Variants in LRRIQ1 observed in about 807,000 individuals in gnomAD.
LRRIQ1 encodes leucine-rich repeat- and IQ domain-containing protein 1.
A neutral mutation model predicts 211.9 loss-of-function variants in LRRIQ1; 210 were observed. The ratio of observed to expected loss-of-function variants is 0.99; its 90% CI spans 0.89 to 1.11. LRRIQ1 has a LOEUF of 1.11. LRRIQ1 is among the 50% of genes most tolerant of loss of function. LRRIQ1 has a pLI of 0.00. For missense variants in LRRIQ1, 2,136 were observed against 1,939.5 expected (o/e 1.10, Z -1.90); for synonymous variants, 699 against 650.1 (o/e 1.08, Z -1.14).
At chr12:85,078,794 T>C (rs1883950291) in intron 11 of LRRIQ1, among the ~76,000 whole-genome samples, 1 of 152,192 alleles carries the variant, frequency 6.6e-6, no homozygotes, top group African/African-American at 2.4e-5. Context: ...AAATAACTTA[T>C]TTGTATGGGT....
the LRRIQ1 span, among the ~76,000 whole-genome samples, chr12:85,272,498 T>A: frequency 3.3e-5 from 5 of 152,146 alleles, no homozygotes; most frequent in Non-Finnish European, 5.9e-5. Flanking sequence ...AAGTCCTTTT[T>A]AAATACTTAG....
At chr12:85,198,345 A>C (rs1197722342) in intron 24 of LRRIQ1, among the ~76,000 whole-genome samples, 2 of 150,838 alleles carry the variant, frequency 1.3e-5, no homozygotes, top group East Asian at 2.0e-4. Context: ...TTGCTGAGGT[A>C]AATGGTAATT....
intron 24 of LRRIQ1, among the ~76,000 whole-genome samples, chr12:85,217,020 G>A (rs1053589822): frequency 6.6e-6 from 1 of 152,066 alleles, no homozygotes; most frequent in Non-Finnish European, 1.5e-5. Flanking sequence ...CATGCAAATT[G>A]TGAAAGTTAT....
chr12:85,144,880 A>T (rs959210419), intron 19 of LRRIQ1, among the ~76,000 whole-genome samples: 3 of 151,640 alleles, frequency 2.0e-5, no homozygotes, highest in African/African-American at 7.3e-5. Context: ...CCATCACTTT[A>T]TTTTAAAATC....
chr12:85,081,642 G>A (rs1410499869), intron 11 of LRRIQ1, among the ~76,000 whole-genome samples: 1 of 151,552 alleles, frequency 6.6e-6, no homozygotes, highest in African/African-American at 2.4e-5. Context: ...ACTCCGCAAG[G>A]AAAACATAAT....
At chr12:85,093,203 T>C (rs189883242) in intron 11 of LRRIQ1, among the ~76,000 whole-genome samples, 63 of 152,266 alleles carry the variant, frequency 4.1e-4, no homozygotes, top group African/African-American at 1.3e-3. Flanking sequence ...AATAATTACA[T>C]CTCAGGAGAA....
At chr12:85,237,271 T>A (rs1407523092) in intron 26 of LRRIQ1, among the ~76,000 whole-genome samples, 1 of 151,952 alleles carries the variant, frequency 6.6e-6, no homozygotes. Context: ...AAGAAACACA[T>A]GAGTTCCACA....
At chr12:85,066,662 A>G in intron 9 of LRRIQ1, 86 bp from the exon 10 acceptor site, 1 of 1,056,174 alleles carries the variant, frequency 9.5e-7, no homozygotes. Flanking sequence ...ATCCTATCTC[A>G]TCTTTCTTTC....
intron 24 of LRRIQ1, among the ~76,000 whole-genome samples, chr12:85,169,082 G>A (rs1470232013): frequency 6.6e-6 from 1 of 152,022 alleles, no homozygotes; most frequent in Non-Finnish European, 1.5e-5. Context: ...TTTGTACAAG[G>A]CACTGTTCTA....
At chr12:85,118,942 T>C (rs1319555079) in intron 15 of LRRIQ1, among the ~76,000 whole-genome samples, 3 of 152,066 alleles carry the variant, frequency 2.0e-5, no homozygotes, top group African/African-American at 7.2e-5. Context: ...ACCCCATACA[T>C]GCACAACATT....
At chr12:85,135,187 A>G (rs959585732) in intron 18 of LRRIQ1, among the ~76,000 whole-genome samples, 2 of 151,910 alleles carry the variant, frequency 1.3e-5, no homozygotes, top group South Asian at 4.1e-4. Context: ...TAACCAGGTC[A>G]TTTGTCCTAT....
chr12:85,059,787 G>A (rs1442975899), intron 8 of LRRIQ1, among the ~76,000 whole-genome samples: 1 of 151,710 alleles, frequency 6.6e-6, no homozygotes, highest in Admixed American at 6.6e-5. Context: ...CGTGGCACGT[G>A]TATACCTATA....
intron 24 of LRRIQ1, among the ~76,000 whole-genome samples, chr12:85,198,428 A>T (rs1893114502): frequency 6.6e-6 from 1 of 151,868 alleles, no homozygotes; most frequent in South Asian, 2.1e-4. Flanking sequence ...CCCCACCAGC[A>T]GTGTATATGC....
chr12:85,264,060 G>A (rs953131450), exon 2 of LRRIQ1: 4 of 151,908 alleles, frequency 2.6e-5, no homozygotes, highest in African/African-American at 4.8e-5. Context: ...GTGAACTTTA[G>A]TATTTTTTTG....
At chr12:85,150,475 A>G (rs1592888392) in intron 19 of LRRIQ1, among the ~76,000 whole-genome samples, 1 of 151,822 alleles carries the variant, frequency 6.6e-6, no homozygotes, top group Admixed American at 6.6e-5. Context: ...ATGATGAGCT[A>G]AAGAGAGAAT....
intron 3 of LRRIQ1, among the ~76,000 whole-genome samples, chr12:85,044,416 C>T (rs777317184): frequency 1.3e-5 from 2 of 151,888 alleles, no homozygotes; most frequent in African/African-American, 4.8e-5. Flanking sequence ...ATCAAGATGC[C>T]GTTGCAATAT....
At chr12:85,061,616 A>G (rs989785860) in intron 8 of LRRIQ1, among the ~76,000 whole-genome samples, 26 of 151,814 alleles carry the variant, frequency 1.7e-4, no homozygotes, top group African/African-American at 5.3e-4. Flanking sequence ...AATATAAATT[A>G]TAATGTTGAG....
At chr12:85,178,014 G>C (rs1200515061) in intron 24 of LRRIQ1, among the ~76,000 whole-genome samples, 2 of 152,084 alleles carry the variant, frequency 1.3e-5, no homozygotes, top group African/African-American at 4.8e-5. Context: ...GTTGTGAGGA[G>C]TGAGATAACT....
In LRRIQ1 at chr12:85,225,029, A is replaced by C. The variant is rs534499315; in HGVS notation, c.4823-4488A>C. On this transcript the variant is annotated intron_variant, in intron 24 of 26. Coordinates refer to ENST00000393217, the MANE Select transcript of LRRIQ1 (RefSeq NM_001079910.2). ...AAAATAGGATATGAAGAAGACATAT[A>C]ATTACAGTCAGCCTCTCATATCCAT... Among the ~76,000 whole-genome samples the C allele has an allele frequency of 3.3e-5, 5 of 152,254 alleles. No homozygotes were observed. The South Asian group carries it at 1.0e-3, about 32-fold the overall frequency.
Sources: allele counts gnomAD v4.1 joint callset (sites outside exome capture counted in the v4.1 genomes callset), GRCh38; gene constraint gnomAD v4.1.1; transcripts MANE v1.5; gene names NCBI Gene and HGNC (gene_info 2026-07-23, HGNC 2026-07-21).